The following LCN2 variants were observed in gnomAD, a reference collection of about 807,000 sequenced individuals.
LCN2 encodes neutrophil gelatinase-associated lipocalin.
Under a neutral mutation model 26.4 loss-of-function variants are expected in LCN2, and 27 were observed. That is an observed-to-expected ratio of 1.02 (90% CI 0.76 to 1.41). The LOEUF is 1.41. Ranked by LOEUF, LCN2 falls within the 40% of genes most tolerant of loss-of-function variation. LCN2 has a pLI of 0.00. For missense variants in LCN2, 224 were observed against 237.6 expected, an observed-to-expected ratio of 0.94 and a Z score of 0.38; for synonymous variants, 94 against 98.9, an observed-to-expected ratio of 0.95 and a Z score of 0.30.
chr9:128,151,333 G>C (rs1039876680), intron 2 of LCN2: 14 of 564,408 alleles, frequency 2.5e-5, no homozygotes, highest in Non-Finnish European at 4.2e-5. Flanking sequence ...TGGCGGGGGG[G>C]GTGAAAGCCA....
Position 128,149,667 on chromosome 9 carries a change from AG to A in LCN2, c.138+8del. On this transcript the variant is annotated splice_donor_5th_base_variant and intron_variant, in intron 1 of 6. Transcript: ENST00000277480. ...GCAGAACTTCCAGGACAACCAAGTAAGGGGCCAAGAGGGGCACCTGCAGGCA... is the reference window on the plus strand; with the variant it reads ...GCAGAACTTCCAGGACAACCAAGTAAGGGCCAAGAGGGGCACCTGCAGGCA... 2 of 1,613,726 alleles carry A rather than the reference AG, an allele frequency of 1.2e-6. No homozygotes were observed. Among genetic ancestry groups the A allele is most frequent in the Non-Finnish European group, 1.7e-6 (2 of 1,179,892 alleles).
chr9:128,151,766 G>A (rs1359760550), intron 3 of LCN2, 49 bp downstream of exon 3: 4 of 1,595,794 alleles, frequency 2.5e-6, no homozygotes, highest in Middle Eastern at 1.7e-4. Context: ...CGGGGAGCTG[G>A]GTAGGGGCAC....
At position 128,151,777 on chromosome 9, in the gene LCN2, A is replaced by C. The variant is rs972576279; in HGVS notation, c.355+60A>C. ...GCTCCGGGGAGCTGGGTAGGGGCACAGACCTTCCTGCCCCTCCACACAGAT... is the reference window on the plus strand; with the variant it reads ...GCTCCGGGGAGCTGGGTAGGGGCACCGACCTTCCTGCCCCTCCACACAGAT... On this transcript the variant is annotated intron_variant, in intron 3 of 6. Coordinates refer to ENST00000277480, the MANE Select transcript of LCN2 (RefSeq NM_005564.5). 17 of 1,582,886 alleles carry C rather than the reference A, an allele frequency of 1.1e-5. No individual in the cohort carries two copies. In the African/African-American group the frequency reaches 2.1e-4, roughly 20 times the overall value.
intron 5 of LCN2, 50 bp downstream of exon 5, chr9:128,152,334 A>T (rs1252651858): frequency 6.6e-7 from 1 of 1,508,966 alleles, no homozygotes; most frequent in Non-Finnish European, 9.2e-7. Flanking sequence ...CTGTTCAGGC[A>T]GGATGCTTCC....
chr9:128,152,094 C>T, intron 4 of LCN2, 69 bp downstream of exon 4: 1 of 1,610,460 alleles, frequency 6.2e-7, no homozygotes, highest in Non-Finnish European at 8.5e-7. Flanking sequence ...GGCCGGTCCC[C>T]CATGAGGAAG....
In LCN2 at chr9:128,153,006, T is replaced by C. The variant is rs1829155125; in HGVS notation, c.578-94T>C. 2 of 1,590,046 alleles carry C rather than the reference T, an allele frequency of 1.3e-6. No individual in the cohort carries two copies. The highest frequency in any genetic ancestry group is 2.2e-5 in the East Asian group (1 of 44,730). On this transcript the variant is annotated intron_variant, in intron 5 of 6. Transcript: ENST00000277480. The surrounding 1 kb of genome is among the most constrained non-coding windows in gnomAD (Gnocchi z 5.4). ...TGGGGCAGGGGCTGCCCAGGGGCAGTGCAGAGGACCTGGCAGTCAGGGATC... is the reference window on the plus strand; with the variant it reads ...TGGGGCAGGGGCTGCCCAGGGGCAGCGCAGAGGACCTGGCAGTCAGGGATC...
chr9:128,153,177 G>A lies in LCN2; in HGVS notation c.*7+51G>A. 1 of 1,610,006 alleles carries A rather than the reference G, an allele frequency of 6.2e-7. No individual in the cohort carries two copies. Among genetic ancestry groups the A allele is most frequent in the Non-Finnish European group, 8.5e-7 (1 of 1,176,940 alleles). ...GGGGCTTGTGGGAGGCCAGGGTGCA[G>A]TGGGCTGGGGGTCTTGGGCCTGCCT... On this transcript the variant is annotated intron_variant, in intron 6 of 6. Coordinates refer to ENST00000277480, the MANE Select transcript of LCN2 (RefSeq NM_005564.5). The surrounding 1 kb of genome is among the most constrained non-coding windows in gnomAD (Gnocchi z 5.4).
intron 2 of LCN2, chr9:128,151,406 G>A (rs1012742851): frequency 8.2e-6 from 5 of 606,698 alleles, no homozygotes; most frequent in African/African-American, 7.4e-5. Flanking sequence ...TGGGGTCCAG[G>A]GGCCCCAGGC....
At position 128,151,923 on chromosome 9, in the gene LCN2, A is replaced by G. The variant is rs762299912; in HGVS notation, c.373A>G (p.Ser125Gly). The G allele has an allele frequency of 1.9e-6, 3 of 1,614,106 alleles. No homozygotes were observed. In the East Asian group the frequency reaches 6.7e-5, roughly 36 times the overall value. Residue 125 changes from serine to glycine, a missense_variant, in exon 4 of 7, where the codon AGT becomes GGT. Ser to Gly is a moderately conservative substitution (Grantham distance 56). Transcript: ENST00000277480. ...GNIKSYPGLT[S>G]YLVRVVSTNY... Reference sequence around the variant, plus strand: ...GCCTGCAGGTTACCCTGGATTAACGAGTTACCTCGTCCGAGTGGTGAGCAC... The same window carrying G: ...GCCTGCAGGTTACCCTGGATTAACGGGTTACCTCGTCCGAGTGGTGAGCAC...
At chr9:128,151,517 A>T (rs1164117618) in intron 2 of LCN2, 121 bp from the exon 3 acceptor site, 1 of 769,514 alleles carries the variant, frequency 1.3e-6, no homozygotes, top group Non-Finnish European at 2.3e-6. Flanking sequence ...ATGAGCTGTC[A>T]CGGGTTGGGC....
At position 128,151,948 on chromosome 9, in the gene LCN2, C is replaced by A; in HGVS notation, c.398C>A (p.Thr133Asn). 6.2e-7 allele frequency: 1 copy of A among 1,614,138 alleles called. No individual in the cohort carries two copies. The highest frequency in any genetic ancestry group is 1.1e-5 in the South Asian group (1 of 91,090). ...AGTTACCTCGTCCGAGTGGTGAGCACCAACTACAACCAGCATGCTATGGTG... is the reference window on the plus strand; with the variant it reads ...AGTTACCTCGTCCGAGTGGTGAGCAACAACTACAACCAGCATGCTATGGTG... ...LTSYLVRVVSTNYNQHAMVFF... is the reference protein window; with the variant it reads ...LTSYLVRVVSNNYNQHAMVFF... The change falls in exon 4 of 7, where the codon ACC (threonine) becomes AAC (asparagine). Residue 133 changes from threonine (T) to asparagine (N), a missense_variant. By Grantham distance (65) the Thr-to-Asn change is moderately conservative. Coordinates refer to ENST00000277480, the MANE Select transcript of LCN2 (RefSeq NM_005564.5).
chr9:128,150,106 C>A (rs1321819526), intron 1 of LCN2, 132 bp from the exon 2 acceptor site: 2 of 1,186,770 alleles, frequency 1.7e-6, no homozygotes, highest in African/African-American at 1.5e-5. Context: ...GCAGGCCCAG[C>A]CTGGGCCCTG....
In LCN2 at chr9:128,150,547, A is replaced by G. The variant is rs1490224666; in HGVS notation, c.275+173A>G. 8.5e-6 allele frequency: 7 copies of G among 825,900 alleles called. No homozygotes were observed. In the East Asian group the frequency reaches 1.3e-4, roughly 15 times the overall value. 51.2% of individuals were successfully genotyped at this position (825,900 alleles called of 1,614,324 possible). On this transcript the variant is annotated intron_variant, in intron 2 of 6. Coordinates refer to ENST00000277480, the MANE Select transcript of LCN2 (RefSeq NM_005564.5). ...TTATAGCACATTTCCATGCAGACAC[A>G]CAGACAGTGGTGGGGATGGACATGC...
chr9:128,152,134 G>A lies in LCN2; in HGVS notation c.476-49G>A, dbSNP rs374443333. The A allele has an allele frequency of 4.9e-4, 782 of 1,609,766 alleles. 1 individual carries two copies. Among genetic ancestry groups the A allele is most frequent in the Non-Finnish European group, 6.4e-4 (753 of 1,176,338 alleles). Reference sequence around the variant, plus strand: ...CTGAGGCCTCATCTACTCATTCAACGATATTTATGTGGTGTCTGCCAGCCA... The same window carrying A: ...CTGAGGCCTCATCTACTCATTCAACAATATTTATGTGGTGTCTGCCAGCCA... On this transcript the variant is annotated intron_variant, in intron 4 of 6. Transcript: ENST00000277480.
In LCN2 at chr9:128,149,488, G is replaced by A. The variant is rs1323573578; in HGVS notation, c.-38G>A. ...TCCTCTTCCACCCCTGCCAGGCCCA[G>A]CAGCCACCACAGCGCCTGCTTCCTC... On this transcript the variant is annotated 5_prime_UTR_variant, in exon 1 of 7. Transcript: ENST00000277480. 6.5e-7 allele frequency: 1 copy of A among 1,547,420 alleles called. No individual in the cohort carries two copies. The highest frequency in any genetic ancestry group is 8.7e-7 in the Non-Finnish European group (1 of 1,145,310).
Position 128,152,244 on chromosome 9 carries a change from G to A in LCN2, c.537G>A (p.Leu179=). The A allele has an allele frequency of 1.9e-6, 3 of 1,614,056 alleles. No individual in the cohort carries two copies. Among genetic ancestry groups the A allele is most frequent in the Non-Finnish European group, 2.5e-6 (3 of 1,180,012 alleles). Residue 179 remains leucine (L), a synonymous_variant, in exon 5 of 7, where the codon CTG becomes CTA. Transcript: ENST00000277480. ...KENFIRFSKS[L]GLPENHIVFP... is the part of the protein sequence containing the mutation. ...ACTTCATCCGCTTCTCCAAATCTCT[G>A]GGCCTCCCTGAAAACCACATCGTCT...
Position 128,149,593 on chromosome 9 carries a change from C to T in LCN2, c.68C>T (p.Ser23Phe). The T allele has an allele frequency of 6.2e-7, 1 of 1,614,066 alleles. No homozygotes were observed. Among genetic ancestry groups the T allele is most frequent in the Admixed American group, 1.7e-5 (1 of 60,030 alleles). Residue 23 changes from serine (S) to phenylalanine (F), a missense_variant, in exon 1 of 7, where the codon TCC (serine) becomes TTC (phenylalanine). Transcript: ENST00000277480. ...LGALHAQAQDSTSDLIPAPPL... is the reference protein window; with the variant it reads ...LGALHAQAQDFTSDLIPAPPL... ...GCTCTGCATGCCCAGGCCCAGGACT[C>T]CACCTCAGACCTGATCCCAGCCCCA...
intron 2 of LCN2, among the ~76,000 whole-genome samples, chr9:128,151,137 G>T (rs1185868189): frequency 6.6e-6 from 1 of 152,136 alleles, no homozygotes; most frequent in Admixed American, 6.5e-5. Flanking sequence ...GGGGAGCTCA[G>T]CCCTGGGGTG....
In LCN2 at chr9:128,150,312, G is replaced by A. The variant is rs142623708; in HGVS notation, c.213G>A (p.Met71Ile). Residue 71 changes from methionine (M) to isoleucine (I), a missense_variant, in exon 2 of 7, where the codon ATG becomes ATA. By Grantham distance (10) the Met-to-Ile change is conservative. Coordinates refer to ENST00000277480, the MANE Select transcript of LCN2 (RefSeq NM_005564.5). ...ILREDKDPQK[M>I]YATIYELKED... ...GAGAAGACAAAGACCCGCAAAAGAT[G>A]TATGCCACCATCTATGAGCTGAAAG... 1.8e-4 allele frequency: 288 copies of A among 1,614,168 alleles called. 3 individuals are homozygous for A. In the East Asian group the frequency reaches 3.7e-3, roughly 21 times the overall value.
Sources: allele counts gnomAD v4.1 joint callset (sites outside exome capture counted in the v4.1 genomes callset), GRCh38; gene constraint gnomAD v4.1.1; non-coding constraint Gnocchi (gnomAD v3.1); transcripts MANE v1.5; gene names NCBI Gene and HGNC (gene_info 2026-07-23, HGNC 2026-07-21).